GPR161: variants seen among roughly 807,000 people sequenced by gnomAD.
The protein encoded by GPR161 is G-protein coupled receptor RE2.
GPR161 carries 25 observed loss-of-function variants against 39.2 expected under a neutral mutation model. That is an observed-to-expected ratio of 0.64 (90% CI 0.47 to 0.89). GPR161 has a LOEUF of 0.89. Ranked by LOEUF, GPR161 falls within the 40% of genes least tolerant of loss-of-function variation. The pLI, the probability that GPR161 is intolerant of heterozygous loss-of-function variation, is 0.00. For missense variants in GPR161, 547 were observed against 677.8 expected (o/e 0.81, Z 2.14); for synonymous variants, 286 against 276.6 (o/e 1.03, Z -0.34).
In GPR161 at chr1:168,096,133, C is replaced by CAA. The variant is rs58096092; in HGVS notation, c.1099+373_1099+374dup. Among the ~76,000 whole-genome samples the CAA allele has an allele frequency of 5.1e-4, 23 of 44,758 alleles. 1 individual carries two copies. The South Asian group carries it at 0.012, about 24-fold the overall frequency. 29.4% of individuals were successfully genotyped at this position (44,758 alleles called of 152,430 possible). A position where few individuals can be genotyped will look rare whatever the true frequency, so the allele number is the denominator to read the frequency against. On this transcript the variant is annotated intron_variant, in intron 3 of 5. Coordinates refer to ENST00000682931, the MANE Select transcript of GPR161 (RefSeq NM_001375883.1). ...TGGACAACAGAGCAAGACCCTGTCT[C>CAA]AAAAAAAAAAAAAAAAAAAAAAAAA...
At chr1:168,102,425 G>T (rs1402248066) in intron 2 of GPR161, among the ~76,000 whole-genome samples, 3 of 152,166 alleles carry the variant, frequency 2.0e-5, no homozygotes, top group African/African-American at 7.2e-5. Flanking sequence ...GTAAACCCCT[G>T]GTGGGCAGGG....
intron 1 of GPR161, among the ~76,000 whole-genome samples, chr1:168,112,780 C>G (rs1697325220): frequency 6.6e-6 from 1 of 152,066 alleles, no homozygotes; most frequent in Non-Finnish European, 1.5e-5. Flanking sequence ...TCACTGGAAC[C>G]CAGGAGGCAG....
chr1:168,103,337 A>AT (rs1007343307), intron 2 of GPR161, among the ~76,000 whole-genome samples: 1 of 152,182 alleles, frequency 6.6e-6, no homozygotes, highest in Non-Finnish European at 1.5e-5. Flanking sequence ...CAAATATACT[A>AT]AAAACATCAA....
intron 1 of GPR161, among the ~76,000 whole-genome samples, chr1:168,126,805 A>G (rs1698628010): frequency 6.6e-6 from 1 of 152,200 alleles, no homozygotes; most frequent in Non-Finnish European, 1.5e-5. Flanking sequence ...CAGAAAGCTT[A>G]TGAATGCTTC....
rs991957150 is a variant in GPR161, at chr1:168,080,256, G to T, written c.*5275C>A. 1 of 152,024 alleles carries T rather than the reference G, an allele frequency of 6.6e-6. No homozygotes were observed. The highest frequency in any genetic ancestry group is 2.4e-5 in the African/African-American group (1 of 41,376). The allele number at this position is 152,024 out of a possible 1,614,324, so 9.4% of individuals were successfully genotyped here. A position where few individuals can be genotyped will look rare whatever the true frequency, so the allele number is the denominator to read the frequency against. ...TCTACATACCTAATAAAGCCCTGCT[G>T]GCCTGTTCTGTGATACTGATGACTC... On this transcript the variant is annotated 3_prime_UTR_variant, in exon 6 of 6. Coordinates refer to ENST00000682931, the MANE Select transcript of GPR161 (RefSeq NM_001375883.1).
chr1:168,117,198 C>T (rs908823854), intron 1 of GPR161, among the ~76,000 whole-genome samples: 2 of 152,178 alleles, frequency 1.3e-5, no homozygotes, highest in Non-Finnish European at 2.9e-5. Flanking sequence ...AAGGCTCAGT[C>T]CTTAATCCAT....
At chr1:168,130,939 AT>A (rs879531856) in intron 1 of GPR161, among the ~76,000 whole-genome samples, 2 of 152,200 alleles carry the variant, frequency 1.3e-5, no homozygotes, top group Non-Finnish European at 2.9e-5. Context: ...GGGAATCCTA[AT>A]GGGGTTTAGG....
At chr1:168,099,182 G>T (rs982808737) in intron 2 of GPR161, among the ~76,000 whole-genome samples, 1 of 152,166 alleles carries the variant, frequency 6.6e-6, no homozygotes, top group Non-Finnish European at 1.5e-5. Flanking sequence ...GCCCTGGGGG[G>T]CGAACAAGCC....
chr1:168,088,670 G>A (rs1694775012), intron 4 of GPR161: 1 of 152,074 alleles, frequency 6.6e-6, no homozygotes, highest in Admixed American at 6.5e-5. Context: ...GTTGAGACAT[G>A]TAAACATCTA....
chr1:168,102,779 C>A (rs1465725046), intron 2 of GPR161, among the ~76,000 whole-genome samples: 20 of 151,782 alleles, frequency 1.3e-4, no homozygotes, highest in Admixed American at 1.3e-3. Flanking sequence ...AGCTGTTTAG[C>A]CTCACTCCAT....
chr1:168,115,524 C>T (rs1309562551), intron 1 of GPR161, among the ~76,000 whole-genome samples: 1 of 152,054 alleles, frequency 6.6e-6, no homozygotes, highest in East Asian at 1.9e-4. Context: ...CCAGAGTGTG[C>T]CCCTTTAGGA....
At chr1:168,087,886 T>C in intron 4 of GPR161, 182 bp from the exon 5 acceptor site, 1 of 569,118 alleles carries the variant, frequency 1.8e-6, no homozygotes, top group Non-Finnish European at 3.0e-6. Context: ...TTTCAGGGAG[T>C]TTGCAGACAG....
intron 3 of GPR161, among the ~76,000 whole-genome samples, chr1:168,093,966 G>A (rs1478173016): frequency 3.0e-5 from 3 of 101,596 alleles, no homozygotes; most frequent in East Asian, 3.3e-4. Flanking sequence ...CCCATTCCTC[G>A]GAAAGACCAA....
rs1693922683 is a variant in GPR161, at chr1:168,079,553, A to G, written c.*5978T>C. The G allele has an allele frequency of 6.6e-6, 1 of 152,234 alleles. No homozygotes were observed. The highest frequency in any genetic ancestry group is 1.5e-5 in the Non-Finnish European group (1 of 68,052). The allele number at this position is 152,234 out of a possible 1,614,324, so 9.4% of individuals were successfully genotyped here. ...CCATTTCCACAGTATACACATACCA[A>G]AAACATATTTAATCAGGTAAACAAA... is the stretch of plus-strand genomic sequence containing the variant. On this transcript the variant is annotated 3_prime_UTR_variant, in exon 6 of 6. Coordinates refer to ENST00000682931, the MANE Select transcript of GPR161 (RefSeq NM_001375883.1).
rs1292079657 is a variant in GPR161 at position 168,084,911 on chromosome 1, G to C, written c.*620C>G. 4 of 456,172 alleles carry C rather than the reference G, an allele frequency of 8.8e-6. 1 individual carries two copies. In the Admixed American group the frequency reaches 9.4e-5, roughly 11 times the overall value. 28.3% of individuals were successfully genotyped at this position (456,172 alleles called of 1,614,324 possible). The stretch of plus-strand genomic sequence containing the variant: ...GCCAGTCTGCAAGAGGCCTGTGGCT[G>C]TCCCTATTAGCACCAGCAGGTGGCG... On this transcript the variant is annotated 3_prime_UTR_variant, in exon 6 of 6. Transcript: ENST00000682931.
chr1:168,137,184 T>TA, upstream of GPR161: 1 of 1,407,128 alleles, frequency 7.1e-7, no homozygotes. Context: ...TCGCCCCACT[T>TA]TTCTCCTGAA....
intron 5 of GPR161, 49 bp from the exon 6 acceptor site, chr1:168,085,845 G>A (rs368969811): frequency 1.9e-6 from 3 of 1,539,668 alleles, no homozygotes; most frequent in African/African-American, 2.7e-5. Context: ...CAGGCCTGGG[G>A]ACTACCTTGG....
rs1428567790 is a variant in GPR161, at chr1:168,115,774, G to A, written c.-44-10880C>T. Among the ~76,000 whole-genome samples, 4 of 151,460 alleles carry A rather than the reference G, an allele frequency of 2.6e-5. No individual in the cohort carries two copies. The East Asian group carries it at 7.9e-4, about 30-fold the overall frequency. ...GTCCTCTCCAGAATTCTGCTCCAGA[G>A]AAAATTTTTTTTTTTTTTTGAGACG... On this transcript the variant is annotated intron_variant, in intron 1 of 5. Transcript: ENST00000682931.
rs1697909161 is a variant in GPR161 at position 168,119,228 on chromosome 1, G to GTATATATATGTGTA, written c.-44-14335_-44-14334insTACACATATATATA. 2.1e-5 allele frequency among the ~76,000 whole-genome samples: 2 copies of GTATATATATGTGTA among 96,526 alleles called. 1 individual carries two copies. Among genetic ancestry groups the GTATATATATGTGTA allele is most frequent in the African/African-American group, 1.1e-4 (2 of 18,600 alleles). The allele number at this position is 96,526 out of a possible 152,430, so 63.3% of individuals were successfully genotyped here. On this transcript the variant is annotated intron_variant, in intron 1 of 5. Transcript: ENST00000682931. ...TATATATGTATACATATATATATAC[G>GTATATATATGTGTA]TATATATATATATACACATATATAT...
Sources: allele counts gnomAD v4.1 joint callset (sites outside exome capture counted in the v4.1 genomes callset), GRCh38; gene constraint gnomAD v4.1.1; transcripts MANE v1.5; gene names NCBI Gene and HGNC (gene_info 2026-07-23, HGNC 2026-07-21).